ESYT1: variants seen among roughly 807,000 people sequenced by gnomAD.
ESYT1 encodes the protein extended synaptotagmin 1, also known as extended synaptotagmin-1.
A neutral mutation model predicts 154.2 loss-of-function variants in ESYT1; 116 were observed. The ratio of observed to expected loss-of-function variants is 0.75; its 90% CI spans 0.65 to 0.88. The LOEUF (loss-of-function observed/expected upper bound fraction) is 0.88. ESYT1 is among the 40% of genes least tolerant of loss of function. The pLI, the probability that ESYT1 is intolerant of heterozygous loss-of-function variation, is 0.00. For missense variants in ESYT1, 1,264 were observed against 1,379.3 expected, an observed-to-expected ratio of 0.92 and a Z score of 1.32; for synonymous variants, 500 against 539.9, an observed-to-expected ratio of 0.93 and a Z score of 1.02.
At chr12:56,136,423 T>C (rs1031083316) in intron 15 of ESYT1, among the ~76,000 whole-genome samples, 1 of 151,826 alleles carries the variant, frequency 6.6e-6, no homozygotes, top group Non-Finnish European at 1.5e-5. Context: ...ACCCTGTCTC[T>C]ACTAAAAAAT....
chr12:56,143,118 A>G lies in ESYT1; in HGVS notation c.3089A>G (p.Lys1030Arg). 1 of 1,614,178 alleles carries G rather than the reference A, an allele frequency of 6.2e-7. No homozygotes were observed. The highest frequency in any genetic ancestry group is 1.1e-5 in the South Asian group (1 of 91,082). Residue 1030 changes from lysine to arginine, a missense_variant, in exon 28 of 31, where the codon AAG becomes AGG. Transcript: ENST00000394048. ...ACCAAGAGGAGGACCTCACAGAAGA[A>G]GAGGACCCTGAGTCCTGAATTTAAT... Reference protein sequence around the residue: ...RGTKRRTSQKKRTLSPEFNER... With the variant: ...RGTKRRTSQKRRTLSPEFNER...
In ESYT1 at chr12:56,137,388, G is replaced by A. The variant is rs138264865; in HGVS notation, c.1938+15G>A. On this transcript the variant is annotated intron_variant, in intron 17 of 30. Transcript: ENST00000394048. The stretch of plus-strand genomic sequence containing the variant: ...TTGGGACTGAGGTGAGTCTATATCT[G>A]GAAAGGACTAGGGTCTGTTTGCCCC... 1.9e-6 allele frequency: 3 copies of A among 1,614,026 alleles called. No individual in the cohort carries two copies. The African/African-American group carries it at 4.0e-5, about 22-fold the overall frequency.
intron 7 of ESYT1, 65 bp downstream of exon 7, chr12:56,131,869 A>G: frequency 1.3e-6 from 2 of 1,526,234 alleles, no homozygotes; most frequent in Non-Finnish European, 1.8e-6. Context: ...TAAGGGACAC[A>G]GAGCAGTCAA....
In ESYT1 at chr12:56,131,658, C is replaced by T. The variant is rs78723576; in HGVS notation, c.805-91C>T. 7.3e-4 allele frequency: 1,167 copies of T among 1,603,308 alleles called. 2 individuals carry two copies. In the African/African-American group the frequency reaches 1.0e-2, roughly 14 times the overall value. On this transcript the variant is annotated intron_variant, in intron 6 of 30. Coordinates refer to ENST00000394048, the MANE Select transcript of ESYT1 (RefSeq NM_015292.3). ...CCAGTGAAGGGGAATGAGAAGGGAA[C>T]TGACAAGAAGGCCGAGGGGTTCTGG...
chr12:56,137,056 C>T (rs1369123651), intron 16 of ESYT1, among the ~76,000 whole-genome samples, 162 bp from the exon 17 acceptor site: 1 of 152,142 alleles, frequency 6.6e-6, no homozygotes, highest in Non-Finnish European at 1.5e-5. Context: ...GAAGGAATGG[C>T]TTATGAGTTG....
intron 5 of ESYT1, 30 bp downstream of exon 5, chr12:56,131,346 G>A: frequency 6.2e-7 from 1 of 1,613,698 alleles, no homozygotes; most frequent in South Asian, 1.1e-5. Flanking sequence ...CCACATAATA[G>A]GGAATGTTTG....
rs1870183171 is a variant in ESYT1 at position 56,130,397 on chromosome 12, A to G, written c.391-185A>G. ...CTCTACCTTGTCAGCTCCCCTTATTAGAGAGACATCAGCCCCCAAACTCTG... is the reference window on the plus strand; with the variant it reads ...CTCTACCTTGTCAGCTCCCCTTATTGGAGAGACATCAGCCCCCAAACTCTG... On this transcript the variant is annotated intron_variant, in intron 1 of 30. Coordinates refer to ENST00000394048, the MANE Select transcript of ESYT1 (RefSeq NM_015292.3). The G allele has an allele frequency of 5.9e-6, 4 of 677,518 alleles. No individual in the cohort carries two copies. In the African/African-American group the frequency reaches 7.1e-5, roughly 12 times the overall value. The allele number at this position is 677,518 out of a possible 1,614,324, so 42.0% of individuals were successfully genotyped here. A position where few individuals can be genotyped will look rare whatever the true frequency, so the allele number is the denominator to read the frequency against.
Position 56,136,899 on chromosome 12 carries a change from G to A in ESYT1, c.1782+6G>A, listed in dbSNP as rs570636190. Reference sequence around the variant, plus strand: ...ATATGAAACTAGTCATGAGGGTATGGAAATAGAGGAGGTACTGAGGTGTGG... The same window carrying A: ...ATATGAAACTAGTCATGAGGGTATGAAAATAGAGGAGGTACTGAGGTGTGG... On this transcript the variant is annotated splice_donor_region_variant and intron_variant, in intron 16 of 30. Transcript: ENST00000394048. 3 of 1,586,524 alleles carry A rather than the reference G, an allele frequency of 1.9e-6. No homozygotes were observed. The East Asian group carries it at 6.7e-5, about 36-fold the overall frequency.
intron 13 of ESYT1, 24 bp downstream of exon 13, chr12:56,133,897 A>T: frequency 1.2e-6 from 2 of 1,610,122 alleles, no homozygotes; most frequent in East Asian, 2.2e-5. Flanking sequence ...GGTGAACAGG[A>T]GCCCTGGATG....
chr12:56,137,132 A>G, intron 16 of ESYT1, 86 bp from the exon 17 acceptor site: 2 of 1,533,262 alleles, frequency 1.3e-6, no homozygotes, highest in Non-Finnish European at 1.8e-6. Flanking sequence ...CCCCTGTCAC[A>G]GCCCCTCCTC....
rs1392292932 is a variant in ESYT1, at chr12:56,128,707, T to G, written c.388T>G (p.Trp130Gly). 13 of 1,613,392 alleles carry G rather than the reference T, an allele frequency of 8.1e-6. No individual in the cohort carries two copies. Among genetic ancestry groups the G allele is most frequent in the South Asian group, 2.2e-5 (2 of 91,050 alleles). Reference protein sequence around the residue: ...LYMSHRELPAWVSFPDVEKAE... With the variant: ...LYMSHRELPAGVSFPDVEKAE... Reference sequence around the variant, plus strand: ...TATGAGTCATCGAGAGCTACCTGCCTGGGTGAGCGACCACCCTCGGTCCTC... The same window carrying G: ...TATGAGTCATCGAGAGCTACCTGCCGGGGTGAGCGACCACCCTCGGTCCTC... The change falls in exon 1 of 31, where the codon TGG becomes GGG. Residue 130 changes from tryptophan (W) to glycine (G), a missense_variant and splice_region_variant. Physicochemically the swap from Trp to Gly is radical, Grantham distance 184. Coordinates refer to ENST00000394048, the MANE Select transcript of ESYT1 (RefSeq NM_015292.3).
intron 1 of ESYT1, 55 bp downstream of exon 1, chr12:56,128,764 T>G: frequency 6.3e-7 from 1 of 1,599,888 alleles, no homozygotes; most frequent in Non-Finnish European, 8.5e-7. Flanking sequence ...ACCCCTTCCA[T>G]CTGGGGCTTT....
chr12:56,129,261 G>A (rs1870129360), intron 1 of ESYT1: 1 of 160,896 alleles, frequency 6.2e-6, no homozygotes, highest in East Asian at 1.9e-4. Flanking sequence ...CCAGCCGCCA[G>A]ACTGCAGCGC....
Position 56,128,568 on chromosome 12 carries a change from C to T in ESYT1, c.249C>T (p.Phe83=). The change falls in exon 1 of 31, where the codon TTC becomes TTT. Residue 83 remains phenylalanine, a synonymous_variant. Coordinates refer to ENST00000394048, the MANE Select transcript of ESYT1 (RefSeq NM_015292.3). ...GACTCAGCGTGGGTTTCGTGCTCTT[C>T]GGCCTCGCCCTCTACCTGGGCTGGC... ...AVGLSVGFVL[F]GLALYLGWRR... 2 of 1,613,808 alleles carry T rather than the reference C, an allele frequency of 1.2e-6. No individual in the cohort carries two copies. Among genetic ancestry groups the T allele is most frequent in the Non-Finnish European group, 1.7e-6 (2 of 1,179,886 alleles).
chr12:56,142,109 AAAGG>A lies in ESYT1; in HGVS notation c.2593-166_2593-163del, dbSNP rs796439207. On this transcript the variant is annotated intron_variant, in intron 24 of 30. Transcript: ENST00000394048. The surrounding 1 kb of genome is among the most constrained non-coding windows in gnomAD (Gnocchi z 4.1). The stretch of plus-strand genomic sequence containing the variant: ...CGAAACTCTGTCTCAAAAAAAAAAA[AAAGG>A]AAGGAAGGACAGAGGGAGGGACTAG... Among the ~76,000 whole-genome samples the A allele has an allele frequency of 7.2e-5, 11 of 152,100 alleles. No homozygotes were observed. The highest frequency in any genetic ancestry group is 2.6e-4 in the African/African-American group (11 of 41,510).
rs569433202 is a variant in ESYT1 at position 56,133,222 on chromosome 12, C to T, written c.1245-195C>T. ...GGCCTGGGAATCATGTATCATTTTCCTTCCTAACCTCCCCACCCCCAGCCC... is the reference window on the plus strand; with the variant it reads ...GGCCTGGGAATCATGTATCATTTTCTTTCCTAACCTCCCCACCCCCAGCCC... On this transcript the variant is annotated intron_variant, in intron 10 of 30. Transcript: ENST00000394048. Among the ~76,000 whole-genome samples, 12 of 152,258 alleles carry T rather than the reference C, an allele frequency of 7.9e-5. 1 individual carries two copies. The South Asian group carries it at 2.5e-3, about 32-fold the overall frequency.
chr12:56,137,961 G>A, intron 19 of ESYT1, 47 bp downstream of exon 19: 1 of 1,613,196 alleles, frequency 6.2e-7, no homozygotes, highest in Non-Finnish European at 8.5e-7. Flanking sequence ...GGCTCTTTAG[G>A]CCATGGAGTC....
intron 24 of ESYT1, among the ~76,000 whole-genome samples, chr12:56,140,994 A>G (rs1374246742): frequency 6.6e-6 from 1 of 152,196 alleles, no homozygotes; most frequent in African/African-American, 2.4e-5. Context: ...CAGGACATCC[A>G]AGAGAAGACA....
chr12:56,144,079 G>C lies in ESYT1; in HGVS notation c.*217G>C. 7.0e-7 allele frequency: 1 copy of C among 1,426,574 alleles called. No individual in the cohort carries two copies. The highest frequency in any genetic ancestry group is 9.1e-7 in the Non-Finnish European group (1 of 1,093,610). 88.4% of individuals were successfully genotyped at this position (1,426,574 alleles called of 1,614,324 possible). A position where few individuals can be genotyped will look rare whatever the true frequency, so the allele number is the denominator to read the frequency against. ...GCCTTTATCCTTCTGGGCCCCTGGG[G>C]CGGGGACCTGAGCTGGCTGTTTCCT... On this transcript the variant is annotated 3_prime_UTR_variant, in exon 31 of 31. Transcript: ENST00000394048.
Sources: gnomAD v4.1 joint callset for allele counts (sites outside exome capture counted in the v4.1 genomes callset) on GRCh38, gnomAD v4.1.1 for gene constraint, Gnocchi (gnomAD v3.1) non-coding constraint, MANE v1.5 for transcripts, NCBI Gene and HGNC (gene_info 2026-07-23, HGNC 2026-07-21) for gene names.